DCHS2: variants seen among roughly 807,000 people sequenced by gnomAD.
DCHS2 encodes the protein protocadherin-23.
DCHS2 carries 142 observed loss-of-function variants against 182.4 expected under a neutral mutation model. That is an observed-to-expected ratio of 0.78 (90% CI 0.68 to 0.89). The LOEUF (loss-of-function observed/expected upper bound fraction) is 0.89. DCHS2 is among the 40% of genes least tolerant of loss of function. The probability of loss-of-function intolerance (pLI) is 0.00; values close to 1 mark genes in which losing one functional copy is unlikely to be tolerated. For missense variants in DCHS2, 4,319 were observed against 4,198.6 expected (o/e 1.03, Z -0.79); for synonymous variants, 1,740 against 1,663.3 (o/e 1.05, Z -1.12).
chr4:154,487,326 C>A (rs1873369), intron 1 of DCHS2, among the ~76,000 whole-genome samples: 34,348 of 152,146 alleles, frequency 0.23, 4,941 homozygotes, highest in East Asian at 0.66. Context: ...CATGGCTGGG[C>A]TCTGGCTAAT....
chr4:154,458,962 A>T (rs958732260), intron 1 of DCHS2, among the ~76,000 whole-genome samples: 1 of 152,246 alleles, frequency 6.6e-6, no homozygotes, highest in Non-Finnish European at 1.5e-5. Flanking sequence ...TGATCTAAAA[A>T]ATACCAAATG....
At chr4:154,466,209 T>C (rs1182133769) in intron 1 of DCHS2, among the ~76,000 whole-genome samples, 1 of 151,974 alleles carries the variant, frequency 6.6e-6, no homozygotes, top group Non-Finnish European at 1.5e-5. Flanking sequence ...CAAGACAAAA[T>C]TGTGATCCCT....
Position 154,236,971 on chromosome 4 carries a change from C to A in DCHS2, c.7681G>T (p.Asp2561Tyr), listed in dbSNP as rs1422284103. 2 of 1,614,048 alleles carry A rather than the reference C, an allele frequency of 1.2e-6. No individual in the cohort carries two copies. The highest frequency in any genetic ancestry group is 1.7e-6 in the Non-Finnish European group (2 of 1,179,940). The change falls in exon 20 of 20, where the codon GAT (aspartate) becomes TAT (tyrosine). Residue 2561 changes from aspartate to tyrosine, a missense_variant. Asp to Tyr is a radical substitution (Grantham distance 160). Transcript: ENST00000357232. The stretch of plus-strand genomic sequence containing the variant: ...ACAAGCGTGCTTCCAACCAGAGCAT[C>A]CTCACTTAGGCTAAGATTATAGGAT... ...VKSYNLSLSE[D>Y]ALVGSTLVTF... is the part of the protein sequence containing the mutation.
chr4:154,341,326 G>A (rs897760360), intron 3 of DCHS2, among the ~76,000 whole-genome samples: 4 of 141,930 alleles, frequency 2.8e-5, no homozygotes, highest in African/African-American at 8.0e-5. Context: ...CCGAGACCGC[G>A]CCACTGCACT....
At chr4:154,344,829 T>A (rs549443071) in intron 3 of DCHS2, among the ~76,000 whole-genome samples, 28 of 152,254 alleles carry the variant, frequency 1.8e-4, no homozygotes, top group African/African-American at 6.0e-4. Context: ...TTCAAACCTT[T>A]AAGGGCAGGG....
chr4:154,486,560 G>A, intron 1 of DCHS2: 2 of 1,300,228 alleles, frequency 1.5e-6, no homozygotes, highest in African/African-American at 1.5e-5. Flanking sequence ...ACAGAAAGAA[G>A]GTACAGTTAC....
At chr4:154,292,444 G>C (rs750752515) in intron 13 of DCHS2, among the ~76,000 whole-genome samples, 1 of 152,102 alleles carries the variant, frequency 6.6e-6, no homozygotes, top group Non-Finnish European at 1.5e-5. Context: ...CTCCCAAGTT[G>C]TTCCATTTAG....
chr4:154,477,823 TATC>T (rs917544725), intron 1 of DCHS2, among the ~76,000 whole-genome samples: 9 of 152,198 alleles, frequency 5.9e-5, no homozygotes, highest in African/African-American at 2.2e-4. Context: ...AGGTGGTTCT[TATC>T]ATGTGGTCAG....
chr4:154,242,850 T>C, intron 16 of DCHS2, 78 bp from the exon 17 acceptor site: 4 of 1,475,824 alleles, frequency 2.7e-6, no homozygotes, highest in South Asian at 1.4e-5. Flanking sequence ...AAATATCTAG[T>C]TGAAAATTTT....
intron 2 of DCHS2, among the ~76,000 whole-genome samples, chr4:154,369,399 A>G (rs940355783): frequency 6.6e-6 from 1 of 152,344 alleles, no homozygotes; most frequent in East Asian, 1.9e-4. Context: ...AAAGAAACAT[A>G]TTGGGAAACC....
Position 154,239,302 on chromosome 4 carries a change from C to A in DCHS2, c.7360G>T (p.Val2454Phe). Reference sequence around the variant, plus strand: ...ACAGGTATTGATTCAGGAACTGTGACCTGAGGGAAAAAGAGAAAAATAGGG... The same window carrying A: ...ACAGGTATTGATTCAGGAACTGTGAACTGAGGGAAAAAGAGAAAAATAGGG... Reference protein sequence around the residue: ...PPVFSQDFYQVTVPESIPVGY... With the variant: ...PPVFSQDFYQFTVPESIPVGY... Residue 2454 changes from valine (V) to phenylalanine (F), a missense_variant and splice_region_variant, in exon 19 of 20, where the codon GTC (valine) becomes TTC (phenylalanine). By Grantham distance (50) the Val-to-Phe change is conservative. Transcript: ENST00000357232. 6.2e-7 allele frequency: 1 copy of A among 1,611,226 alleles called. No individual in the cohort carries two copies. The highest frequency in any genetic ancestry group is 1.1e-5 in the South Asian group (1 of 90,484).
Position 154,322,328 on chromosome 4 carries a change from T to C in DCHS2, c.4176+3A>G, listed in dbSNP as rs184939212. On this transcript the variant is annotated splice_donor_region_variant and intron_variant, in intron 8 of 19. Coordinates refer to ENST00000357232, the MANE Select transcript of DCHS2 (RefSeq NM_001358235.2). Reference sequence around the variant, plus strand: ...CTTCCATATTTTATGGTGACAACATTACCTGAATATTAACAACTGCCTGTC... The same window carrying C: ...CTTCCATATTTTATGGTGACAACATCACCTGAATATTAACAACTGCCTGTC... 66 of 1,613,198 alleles carry C rather than the reference T, an allele frequency of 4.1e-5. No individual in the cohort carries two copies. Among genetic ancestry groups the C allele is most frequent in the Admixed American group, 2.8e-4 (17 of 59,788 alleles).
chr4:154,342,290 A>G (rs1295994747), intron 3 of DCHS2, among the ~76,000 whole-genome samples: 2 of 152,102 alleles, frequency 1.3e-5, no homozygotes, highest in African/African-American at 2.4e-5. Context: ...GCTTGCCTCA[A>G]TGTAGATGGG....
chr4:154,368,080 T>A (rs1730474194), intron 2 of DCHS2, among the ~76,000 whole-genome samples: 1 of 152,128 alleles, frequency 6.6e-6, no homozygotes, highest in Non-Finnish European at 1.5e-5. Context: ...ATGGGGCTGG[T>A]TATGATTCCA....
chr4:154,477,344 C>T (rs1373893429), intron 1 of DCHS2, among the ~76,000 whole-genome samples: 2 of 152,234 alleles, frequency 1.3e-5, no homozygotes, highest in Non-Finnish European at 2.9e-5. Flanking sequence ...CCCCACCTCC[C>T]AAAAGGATCA....
At chr4:154,422,343 A>G (rs1435330140) in intron 1 of DCHS2, among the ~76,000 whole-genome samples, 1 of 152,162 alleles carries the variant, frequency 6.6e-6, no homozygotes, top group Non-Finnish European at 1.5e-5. Flanking sequence ...GCTCCCTCAA[A>G]CTCAATATGA....
At chr4:154,271,453 C>T (rs1296632727) in intron 13 of DCHS2, among the ~76,000 whole-genome samples, 5 of 152,136 alleles carry the variant, frequency 3.3e-5, no homozygotes, top group Admixed American at 1.3e-4. Context: ...AGCAGATCCT[C>T]GCTTTATGTG....
chr4:154,394,038 C>G (rs1030935882), intron 1 of DCHS2, among the ~76,000 whole-genome samples: 3 of 152,118 alleles, frequency 2.0e-5, no homozygotes, highest in East Asian at 1.9e-4. Flanking sequence ...TAAAATTTTA[C>G]ACATCCATTG....
intron 1 of DCHS2, among the ~76,000 whole-genome samples, chr4:154,466,720 T>C (rs1560775907): frequency 6.6e-6 from 1 of 152,192 alleles, no homozygotes; most frequent in South Asian, 2.1e-4. Context: ...CCAGACTGTT[T>C]ATATTCAATA....
Sources: allele counts gnomAD v4.1 joint callset (sites outside exome capture counted in the v4.1 genomes callset), GRCh38; gene constraint gnomAD v4.1.1; transcripts MANE v1.5; gene names NCBI Gene and HGNC (gene_info 2026-07-23, HGNC 2026-07-21).